The following CDC73 variants were observed in gnomAD, a reference collection of about 807,000 sequenced individuals.
CDC73 encodes the protein cell division cycle 73, also known as parafibromin.
CDC73 carries 21 observed loss-of-function variants against 83.7 expected under a neutral mutation model. The ratio of observed to expected loss-of-function variants is 0.25; its 90% CI spans 0.18 to 0.36. The LOEUF (loss-of-function observed/expected upper bound fraction) is 0.36. Among genes scored for constraint, CDC73 ranks in the 10% least tolerant of loss-of-function variants. The pLI, the probability that CDC73 is intolerant of heterozygous loss-of-function variation, is 1.00. For missense variants in CDC73, 342 were observed against 653.3 expected (o/e 0.52, Z 5.19); for synonymous variants, 224 against 212.9 (o/e 1.05, Z -0.45).
chr1:193,239,337 C>T (rs1204709002), intron 15 of CDC73, among the ~76,000 whole-genome samples: 1 of 152,058 alleles, frequency 6.6e-6, no homozygotes, highest in Non-Finnish European at 1.5e-5. Context: ...GTTGTTTTCT[C>T]CATCAGATTA....
rs1191111670 is a variant in CDC73, at chr1:193,138,999, C to T, written c.512+826C>T. Among the ~76,000 whole-genome samples the T allele has an allele frequency of 2.0e-5, 3 of 152,024 alleles. No individual in the cohort carries two copies. The South Asian group carries it at 6.2e-4, about 32-fold the overall frequency. ...CCATGTTGGCCAGGCTGGTCTCAAA[C>T]TCCTGAACTCGTGATCTGTCCGCCT... is the stretch of plus-strand genomic sequence containing the variant. On this transcript the variant is annotated intron_variant, in intron 6 of 16. Coordinates refer to ENST00000367435, the MANE Select transcript of CDC73 (RefSeq NM_024529.5).
At chr1:193,125,075 A>G in intron 1 of CDC73, 37 bp from the exon 2 acceptor site, 1 of 1,018,588 alleles carries the variant, frequency 9.8e-7, no homozygotes, top group South Asian at 1.3e-5. Flanking sequence ...TTGAATTAGA[A>G]TTGTCAGTAA....
chr1:193,180,668 G>A, intron 10 of CDC73: 1 of 1,614,026 alleles, frequency 6.2e-7, no homozygotes. Context: ...AGGTCTGGTG[G>A]CATGTACCAC....
At chr1:193,127,527 G>T (rs571852910) in intron 2 of CDC73, among the ~76,000 whole-genome samples, 1 of 152,072 alleles carries the variant, frequency 6.6e-6, no homozygotes, top group African/African-American at 2.4e-5. Context: ...AACTAAATTA[G>T]GTAGTTCTTA....
intron 13 of CDC73, among the ~76,000 whole-genome samples, chr1:193,230,940 G>A (rs541557047): frequency 1.2e-4 from 19 of 152,234 alleles, no homozygotes; most frequent in African/African-American, 4.3e-4. Context: ...AAGAAAATAC[G>A]TAGATATAAT....
intron 15 of CDC73, among the ~76,000 whole-genome samples, chr1:193,236,634 C>G (rs1010824830): frequency 6.6e-6 from 1 of 152,082 alleles, no homozygotes; most frequent in Non-Finnish European, 1.5e-5. Flanking sequence ...GTGGCTCACA[C>G]CTGTAATCTC....
chr1:193,204,748 T>A (rs1384606391), intron 11 of CDC73, among the ~76,000 whole-genome samples: 1 of 152,166 alleles, frequency 6.6e-6, no homozygotes, highest in Non-Finnish European at 1.5e-5. Context: ...TAAGAAAATG[T>A]TTTCATTTTG....
intron 8 of CDC73, 33 bp from the exon 9 acceptor site, chr1:193,150,271 T>C: frequency 7.0e-7 from 1 of 1,435,654 alleles, no homozygotes; most frequent in Non-Finnish European, 9.8e-7. Context: ...TTTAAAAATA[T>C]TAACAAGTAA....
intron 13 of CDC73, among the ~76,000 whole-genome samples, chr1:193,218,245 CTG>C (rs1244933148): frequency 2.0e-5 from 3 of 152,204 alleles, no homozygotes; most frequent in Admixed American, 6.5e-5. Context: ...TTACAAAACA[CTG>C]TGAAAGAAAT....
chr1:193,137,144 G>A (rs148413687), intron 5 of CDC73, among the ~76,000 whole-genome samples: 143 of 152,270 alleles, frequency 9.4e-4, no homozygotes, highest in Middle Eastern at 6.8e-3. Context: ...AAAAATCTAG[G>A]CTGCAGTTAT....
chr1:193,242,072 A>T (rs1008681596), intron 15 of CDC73, among the ~76,000 whole-genome samples: 1 of 144,930 alleles, frequency 6.9e-6, no homozygotes, highest in Non-Finnish European at 1.6e-5. Flanking sequence ...AGTGGCTTGC[A>T]CTTAGATATC....
At chr1:193,184,470 T>A (rs977299784) in intron 10 of CDC73, among the ~76,000 whole-genome samples, 3 of 151,730 alleles carry the variant, frequency 2.0e-5, no homozygotes, top group Non-Finnish European at 4.4e-5. Context: ...GTTTATCTCT[T>A]CTTTTTTGAT....
intron 10 of CDC73, chr1:193,179,528 TAGG>T (rs1237273621): frequency 6.6e-6 from 1 of 152,602 alleles, no homozygotes; most frequent in East Asian, 1.9e-4. Flanking sequence ...CTCATTGAAA[TAGG>T]AGTTTGGTTC....
At chr1:193,156,672 T>C (rs1353073720) in intron 10 of CDC73, among the ~76,000 whole-genome samples, 1 of 152,144 alleles carries the variant, frequency 6.6e-6, no homozygotes, top group Non-Finnish European at 1.5e-5. Context: ...CATTTGGTTA[T>C]TGATTAATTT....
At chr1:193,187,418 C>T (rs538340868) in intron 10 of CDC73, among the ~76,000 whole-genome samples, 3 of 152,136 alleles carry the variant, frequency 2.0e-5, no homozygotes, top group Non-Finnish European at 2.9e-5. Flanking sequence ...GATTTAATAA[C>T]TTGCCATGAG....
intron 13 of CDC73, among the ~76,000 whole-genome samples, chr1:193,227,276 A>ATT (rs1677582183): frequency 6.6e-6 from 1 of 152,008 alleles, no homozygotes; most frequent in South Asian, 2.1e-4. Flanking sequence ...AGAATGCTAC[A>ATT]TGTAAAGCAG....
chr1:193,155,810 G>T (rs1312064099), intron 10 of CDC73, among the ~76,000 whole-genome samples: 1 of 152,006 alleles, frequency 6.6e-6, no homozygotes, highest in Non-Finnish European at 1.5e-5. Context: ...AGATTAAACA[G>T]ATTTTGTGGT....
intron 10 of CDC73, chr1:193,180,222 T>A: frequency 7.6e-7 from 1 of 1,319,796 alleles, no homozygotes; most frequent in Non-Finnish European, 1.0e-6. Flanking sequence ...GTCCTACGGA[T>A]GTAATCAGTT....
intron 13 of CDC73, among the ~76,000 whole-genome samples, chr1:193,218,491 C>T (rs977112126): frequency 6.6e-6 from 1 of 152,162 alleles, no homozygotes; most frequent in Non-Finnish European, 1.5e-5. Context: ...AAGTTGGAGG[C>T]ATCACACTAC....
Sources: gnomAD v4.1 joint callset for allele counts (sites outside exome capture counted in the v4.1 genomes callset) on GRCh38, gnomAD v4.1.1 for gene constraint, MANE v1.5 for transcripts, NCBI Gene and HGNC (gene_info 2026-07-23, HGNC 2026-07-21) for gene names.